The following ZNF232 variants were observed in gnomAD, a reference collection of about 807,000 sequenced individuals.
ZNF232 encodes zinc finger protein 232.
A neutral mutation model predicts 25.2 loss-of-function variants in ZNF232; 25 were observed. That is an observed-to-expected ratio of 0.99 (90% confidence interval 0.72 to 1.39). The LOEUF is 1.39. Ranked by LOEUF, ZNF232 falls within the 40% of genes most tolerant of loss-of-function variation. ZNF232 has a pLI of 0.00. For missense variants in ZNF232, 519 were observed against 520.9 expected, an observed-to-expected ratio of 1.00 and a Z score of 0.04; for synonymous variants, 193 against 182.9, an observed-to-expected ratio of 1.06 and a Z score of -0.45.
At chr17:5,122,553 C>T (rs143005473) in intron 1 of ZNF232, among the ~76,000 whole-genome samples, 507 of 152,338 alleles carry the variant, frequency 3.3e-3, no homozygotes, top group African/African-American at 0.011. Context: ...CCCGGGAGGC[C>T]GAACCGGCCC....
intron 3 of ZNF232, among the ~76,000 whole-genome samples, chr17:5,107,184 C>T (rs980269277): frequency 1.3e-5 from 2 of 151,516 alleles, no homozygotes; most frequent in Admixed American, 1.3e-4. Context: ...GTCAGGAGAT[C>T]GAGACCATCC....
chr17:5,112,682 G>T (rs1453284448), upstream of ZNF232, among the ~76,000 whole-genome samples: 1 of 151,460 alleles, frequency 6.6e-6, no homozygotes, highest in African/African-American at 2.4e-5. Context: ...TCGATCTCCT[G>T]ACCTCGTGAT....
At chr17:5,106,371 G>T in exon 4 of ZNF232, 1 of 1,614,164 alleles carries the variant, frequency 6.2e-7, no homozygotes, top group South Asian at 1.1e-5. Flanking sequence ...CAGTTCTAAG[G>T]TACCCTCAGA....
intron 2 of ZNF232, 154 bp from the exon 3 acceptor site, chr17:5,109,206 A>T (rs1279574693): frequency 7.9e-7 from 1 of 1,266,798 alleles, no homozygotes; most frequent in African/African-American, 1.5e-5. Context: ...ACAAGGGAAG[A>T]AGAGGAGCTA....
intron 1 of ZNF232, among the ~76,000 whole-genome samples, chr17:5,121,947 G>T (rs2072681421): frequency 1.3e-5 from 2 of 152,188 alleles, no homozygotes. Flanking sequence ...GTCTGGATTA[G>T]ATCACGTAGG....
chr17:5,112,268 C>T (rs2072435118), upstream of ZNF232: 2 of 190,884 alleles, frequency 1.0e-5, no homozygotes, highest in Non-Finnish European at 2.2e-5. Context: ...ATTACCTCTT[C>T]CCAGACCTGA....
upstream of ZNF232, among the ~76,000 whole-genome samples, chr17:5,115,942 G>T (rs969711989): frequency 4.6e-5 from 7 of 152,222 alleles, no homozygotes; most frequent in African/African-American, 1.7e-4. Flanking sequence ...AGCGCCGGGG[G>T]ATCGGGGCGG....
upstream of ZNF232, among the ~76,000 whole-genome samples, chr17:5,116,189 A>T (rs1567762482): frequency 6.7e-6 from 1 of 149,536 alleles, no homozygotes; most frequent in South Asian, 2.1e-4. Context: ...ACTAGCAGTC[A>T]GGAGGGGCCG....
At position 5,109,895 on chromosome 17, in the gene ZNF232, C is replaced by CTTT. The variant is rs113119643; in HGVS notation, c.24-30_24-28dup. ...TGTAACATAAGAAGAAATCATTCCTCTTTTTTTTTTTTAAGACAGAGTCTT... is the reference window on the plus strand; with the variant it reads ...TGTAACATAAGAAGAAATCATTCCTCTTTTTTTTTTTTTTTAAGACAGAGTCTT... On this transcript the variant is annotated intron_variant, in intron 1 of 3. Transcript: ENST00000575898. 338 of 1,237,436 alleles carry CTTT rather than the reference C, an allele frequency of 2.7e-4. No individual in the cohort carries two copies. The African/African-American group carries it at 4.5e-3, about 16-fold the overall frequency. 76.7% of individuals were successfully genotyped at this position (1,237,436 alleles called of 1,614,324 possible).
intron 1 of ZNF232, 126 bp from the exon 2 acceptor site, chr17:5,109,994 A>C (rs1484046437): frequency 2.3e-6 from 2 of 881,136 alleles, no homozygotes; most frequent in Admixed American, 3.1e-5. Context: ...GGTTCTAGCG[A>C]TTCTCCTACC....
At chr17:5,108,402 A>C (rs2072313442) in intron 3 of ZNF232, among the ~76,000 whole-genome samples, 2 of 144,382 alleles carry the variant, frequency 1.4e-5, no homozygotes, top group Non-Finnish European at 2.9e-5. Flanking sequence ...GGCACACATA[A>C]GAGAGTTTCA....
rs774018958 is a variant in ZNF232 at position 5,106,539 on chromosome 17, T to G, written c.626-33A>C. On this transcript the variant is annotated intron_variant, in intron 3 of 3. Transcript: ENST00000575898. The stretch of plus-strand genomic sequence containing the variant: ...AAAATGTAAATATACCTGTTCTGGA[T>G]GTATGAAGAAATGACACTTAGATTA... The G allele has an allele frequency of 1.1e-5, 17 of 1,576,974 alleles. No homozygotes were observed. The highest frequency in any genetic ancestry group is 1.5e-5 in the Non-Finnish European group (17 of 1,161,878).
intron 1 of ZNF232, among the ~76,000 whole-genome samples, chr17:5,119,155 C>A (rs1435349594): frequency 6.6e-6 from 1 of 151,412 alleles, no homozygotes; most frequent in Non-Finnish European, 1.5e-5. Flanking sequence ...ACCCCTCTTC[C>A]TCAAAGAGAT....
intron 2 of ZNF232, 51 bp from the exon 3 acceptor site, chr17:5,109,103 G>A: frequency 1.9e-6 from 3 of 1,611,888 alleles, no homozygotes; most frequent in Non-Finnish European, 2.5e-6. Flanking sequence ...AATTACTAGT[G>A]TGGTTTCTGT....
chr17:5,109,412 T>C, exon 2 of ZNF232: 1 of 1,614,000 alleles, frequency 6.2e-7, no homozygotes, highest in Non-Finnish European at 8.5e-7. Context: ...CTGGTTCAAG[T>C]CCTTTCTCTA....
chr17:5,109,057 A>G lies in ZNF232; in HGVS notation c.499-5T>C. On this transcript the variant is annotated splice_region_variant and splice_polypyrimidine_tract_variant and intron_variant, in intron 2 of 3. Transcript: ENST00000575898. ...TCCATGTGCAGGGCCTGGGACCTGG[A>G]GGTGATCAGGCACCACTCAGTTTAA... is the stretch of plus-strand genomic sequence containing the variant. 1 of 1,613,932 alleles carries G rather than the reference A, an allele frequency of 6.2e-7. No homozygotes were observed. The highest frequency in any genetic ancestry group is 8.5e-7 in the Non-Finnish European group (1 of 1,179,924).
At chr17:5,116,060 G>A (rs1268146009), upstream of ZNF232, among the ~76,000 whole-genome samples, 1 of 152,242 alleles carries the variant, frequency 6.6e-6, no homozygotes, top group Non-Finnish European at 1.5e-5. Flanking sequence ...CGGGACGGGC[G>A]GGCCCCGACG....
intron 1 of ZNF232, among the ~76,000 whole-genome samples, chr17:5,120,978 A>C (rs1041520144): frequency 6.6e-6 from 1 of 152,154 alleles, no homozygotes; most frequent in Non-Finnish European, 1.5e-5. Flanking sequence ...ACAGCCCTTC[A>C]CTGTGGCCTG....
chr17:5,120,793 G>C, intron 1 of ZNF232: 2 of 449,522 alleles, frequency 4.4e-6, no homozygotes, highest in Non-Finnish European at 8.9e-6. Context: ...AGCATGGTGG[G>C]TGGCCATATG....
Sources: allele counts gnomAD v4.1 joint callset (sites outside exome capture counted in the v4.1 genomes callset), GRCh38; gene constraint gnomAD v4.1.1; transcripts MANE v1.5; gene names NCBI Gene and HGNC (gene_info 2026-07-23, HGNC 2026-07-21).